CYP4B1: variants seen among roughly 807,000 people sequenced by gnomAD.
CYP4B1 encodes the protein cytochrome P450 4B1.
Under a neutral mutation model 54.0 loss-of-function variants are expected in CYP4B1, and 45 were observed. The ratio of observed to expected loss-of-function variants is 0.83; its 90% confidence interval spans 0.66 to 1.07. The LOEUF is 1.07. Among genes scored for constraint, CYP4B1 ranks in the 50% least tolerant of loss-of-function variants. The pLI is 0.00. For synonymous variants in CYP4B1, 248 were observed against 247.5 expected, an observed-to-expected ratio of 1.00 and a Z score of -0.02; for missense variants, 656 against 655.4, an observed-to-expected ratio of 1.00 and a Z score of -0.01.
Position 46,815,230 on chromosome 1 carries a change from C to G in CYP4B1, c.1039C>G (p.Arg347Gly), listed in dbSNP as rs56180718. 1 of 1,585,250 alleles carries G rather than the reference C, an allele frequency of 6.3e-7. No homozygotes were observed. Reference sequence around the variant, plus strand: ...CCAGCATCGTTGTAGAGAGGAGGTCCGCGAGATCCTAGGGGACCAGGACTT... The same window carrying G: ...CCAGCATCGTTGTAGAGAGGAGGTCGGCGAGATCCTAGGGGACCAGGACTT... ...EHQHRCREEV[R>G]EILGDQDFFQ... Residue 347 changes from arginine to glycine, a missense_variant, in exon 8 of 12, where the codon CGC becomes GGC. Arg to Gly is a moderately radical substitution (Grantham distance 125, BLOSUM62 -2). Coordinates refer to ENST00000371923, the MANE Select transcript of CYP4B1 (RefSeq NM_001099772.2).
At chr1:46,799,499 C>T (rs1241569966) in intron 1 of CYP4B1, among the ~76,000 whole-genome samples, 1 of 152,198 alleles carries the variant, frequency 6.6e-6, no homozygotes, top group Non-Finnish European at 1.5e-5. Flanking sequence ...ATGGCACAGA[C>T]ACCTTCTCCT....
Position 46,810,870 on chromosome 1 carries a change from C to T in CYP4B1, c.243C>T (p.His81=). The change falls in exon 2 of 12, where the codon CAC becomes CAT. Residue 81 remains histidine, a synonymous_variant. Coordinates refer to ENST00000371923, the MANE Select transcript of CYP4B1 (RefSeq NM_001099772.2). ...VSWAHQFPYA[H]PLWFGQFIGF... is the part of the protein sequence containing the mutation. ...GGGCCCACCAGTTCCCGTATGCCCA[C>T]CCACTCTGGTTCGGACAGTTCATTG... The T allele has an allele frequency of 6.2e-7, 1 of 1,614,114 alleles. No homozygotes were observed. Among genetic ancestry groups the T allele is most frequent in the Non-Finnish European group, 8.5e-7 (1 of 1,179,990 alleles).
chr1:46,811,037 C>T (rs1679078567), intron 2 of CYP4B1, 88 bp downstream of exon 2: 7 of 1,599,566 alleles, frequency 4.4e-6, no homozygotes, highest in Non-Finnish European at 6.0e-6. Flanking sequence ...GAAGCCTGGG[C>T]CTGTGTACTA....
Position 46,800,234 on chromosome 1 carries a change from T to TTTCCTTCC in CYP4B1, c.180+976_180+977insCTTCCTTC, listed in dbSNP as rs1553130149. On this transcript the variant is annotated intron_variant, in intron 1 of 11. Transcript: ENST00000371923. ...TTCTTTCTCTTTCTCTCTTTCTTTC[T>TTTCCTTCC]TTCTTTCCTTCCTTCCTTCCTTCCT... is the stretch of plus-strand genomic sequence containing the variant. Among the ~76,000 whole-genome samples, 56 of 43,660 alleles carry TTTCCTTCC rather than the reference T, an allele frequency of 1.3e-3. 2 individuals are homozygous for TTTCCTTCC. The highest frequency in any genetic ancestry group is 3.8e-3 in the African/African-American group (53 of 14,078). 28.6% of individuals were successfully genotyped at this position (43,660 alleles called of 152,430 possible).
At chr1:46,812,695 C>G in intron 4 of CYP4B1, 72 bp downstream of exon 4, 1 of 1,550,978 alleles carries the variant, frequency 6.4e-7, no homozygotes, top group South Asian at 1.2e-5. Flanking sequence ...TGATTTTGTC[C>G]TGGGGAGAGT....
At chr1:46,811,023 G>C in intron 2 of CYP4B1, 74 bp downstream of exon 2, 4 of 1,602,518 alleles carry the variant, frequency 2.5e-6, no homozygotes, top group Non-Finnish European at 3.4e-6. Flanking sequence ...CATGATATGG[G>C]GAGGAAGCCT....
chr1:46,817,113 C>G lies in CYP4B1; in HGVS notation c.1139C>G (p.Pro380Arg), dbSNP rs780956473. The G allele has an allele frequency of 1.5e-5, 25 of 1,614,078 alleles. No individual in the cohort carries two copies. The highest frequency in any genetic ancestry group is 1.9e-5 in the Non-Finnish European group (23 of 1,180,038). Residue 380 changes from proline (P) to arginine (R), a missense_variant, in exon 9 of 12, where the codon CCT becomes CGT. Transcript: ENST00000371923. ...CIKESFRLYP[P>R]VPQVYRQLSK... ...AAGGAGAGCTTCCGCCTCTACCCAC[C>G]TGTGCCCCAGGTGTACCGCCAGCTC...
At chr1:46,808,596 G>A (rs1283322488) in intron 1 of CYP4B1, among the ~76,000 whole-genome samples, 1 of 151,932 alleles carries the variant, frequency 6.6e-6, no homozygotes, top group Non-Finnish European at 1.5e-5. Context: ...TTTGTAGGTT[G>A]CCTGCAGCCC....
Position 46,819,260 on chromosome 1 carries a change from C to G in CYP4B1, c.*446C>G, listed in dbSNP as rs758078015. ...CACTGAGATGTGTTTCTTTGTTGAA[C>G]TTTGTGTGTGTGTGTTTAGAATATA... On this transcript the variant is annotated 3_prime_UTR_variant, in exon 12 of 12. Coordinates refer to ENST00000371923, the MANE Select transcript of CYP4B1 (RefSeq NM_001099772.2). 16 of 159,204 alleles carry G rather than the reference C, an allele frequency of 1.0e-4. No homozygotes were observed. The highest frequency in any genetic ancestry group is 2.2e-4 in the Non-Finnish European group (16 of 72,816). 9.9% of individuals were successfully genotyped at this position (159,204 alleles called of 1,614,324 possible).
chr1:46,810,291 A>G (rs556636073), intron 1 of CYP4B1, among the ~76,000 whole-genome samples: 3 of 152,104 alleles, frequency 2.0e-5, no homozygotes, highest in Non-Finnish European at 2.9e-5. Context: ...TTAATTGTCT[A>G]CTTGTCTATT....
rs45446505 is a variant in CYP4B1, at chr1:46,814,226, C to T, written c.793C>T (p.Arg265Trp). Residue 265 changes from arginine (R) to tryptophan (W), a missense_variant, in exon 7 of 12, where the codon CGG becomes TGG. Arg to Trp is a moderately radical substitution (Grantham distance 101). Coordinates refer to ENST00000371923, the MANE Select transcript of CYP4B1 (RefSeq NM_001099772.2). ...HDHTDQVIRE[R>W]KAALQDEKVR... ...TGGTTCAGACCAGGTCATCAGGGAG[C>T]GGAAGGCAGCCCTGCAGGATGAGAA... 2,885 of 1,614,022 alleles carry T rather than the reference C, an allele frequency of 1.8e-3. 41 individuals are homozygous for T. The African/African-American group carries it at 0.032, about 18-fold the overall frequency.
In CYP4B1 at chr1:46,814,250, A is replaced by T. The variant is rs780606115; in HGVS notation, c.817A>T (p.Lys273Ter). 11 of 1,614,074 alleles carry T rather than the reference A, an allele frequency of 6.8e-6. No homozygotes were observed. The South Asian group carries it at 1.1e-4, about 16-fold the overall frequency. ...RERKAALQDE[K>*]VRKKIQNRRH... Reference sequence around the variant, plus strand: ...GCGGAAGGCAGCCCTGCAGGATGAGAAGGTGCGGAAGAAGATCCAGAACCG... The same window carrying T: ...GCGGAAGGCAGCCCTGCAGGATGAGTAGGTGCGGAAGAAGATCCAGAACCG... The change falls in exon 7 of 12, where the codon AAG becomes TAG. Residue 273 changes from lysine to a stop codon, truncating the protein, a stop_gained. Coordinates refer to ENST00000371923, the MANE Select transcript of CYP4B1 (RefSeq NM_001099772.2). LOFTEE classifies it high-confidence loss of function.
intron 4 of CYP4B1, among the ~76,000 whole-genome samples, chr1:46,813,193 C>T (rs770373657): frequency 2.0e-5 from 3 of 152,206 alleles, no homozygotes; most frequent in Admixed American, 6.5e-5. Flanking sequence ...CACCTCTCAG[C>T]CATCCTACTC....
Position 46,813,524 on chromosome 1 carries a change from ATCT to A in CYP4B1, c.542_544del (p.Phe181del). On this transcript the variant is annotated inframe_deletion, in exon 5 of 12. Coordinates refer to ENST00000371923, the MANE Select transcript of CYP4B1 (RefSeq NM_001099772.2). Reference sequence around the variant, plus strand: ...AGCTCGGGAGGGTAAGTCCTTTGACATCTTCTGCGATGTGGGTCACATGGCGCT... The same window carrying A: ...AGCTCGGGAGGGTAAGTCCTTTGACATCTGCGATGTGGGTCACATGGCGCT... 6.2e-7 allele frequency: 1 copy of A among 1,614,218 alleles called. No homozygotes were observed. The highest frequency in any genetic ancestry group is 8.5e-7 in the Non-Finnish European group (1 of 1,180,028).
chr1:46,807,863 T>C (rs1239778612), intron 1 of CYP4B1, among the ~76,000 whole-genome samples: 1 of 152,214 alleles, frequency 6.6e-6, no homozygotes, highest in Non-Finnish European at 1.5e-5. Context: ...AAAGGATCCC[T>C]GGGGGCTACA....
chr1:46,815,605 G>A (rs911269470), intron 8 of CYP4B1, among the ~76,000 whole-genome samples: 1 of 152,188 alleles, frequency 6.6e-6, no homozygotes, highest in South Asian at 2.1e-4. Flanking sequence ...AGAAAGAGGT[G>A]GAAATGTGGG....
intron 5 of CYP4B1, 94 bp from the exon 6 acceptor site, chr1:46,813,815 T>A (rs1679212133): frequency 3.3e-6 from 5 of 1,507,556 alleles, no homozygotes; most frequent in Admixed American, 1.8e-5. Context: ...AGCAGGATGC[T>A]CTGTGGTTGG....
In CYP4B1 at chr1:46,799,277, G is replaced by A; in HGVS notation, c.180+16G>A. The stretch of plus-strand genomic sequence containing the variant: ...TGCCCTCGAGGTATGTGGAGGTCGG[G>A]AGGGTGGGGGAGAAAGAAAACATCC... On this transcript the variant is annotated intron_variant, in intron 1 of 11. Coordinates refer to ENST00000371923, the MANE Select transcript of CYP4B1 (RefSeq NM_001099772.2). 1 of 1,563,822 alleles carries A rather than the reference G, an allele frequency of 6.4e-7. No homozygotes were observed. Among genetic ancestry groups the A allele is most frequent in the East Asian group, 2.4e-5 (1 of 42,442 alleles).
intron 3 of CYP4B1, 152 bp downstream of exon 3, chr1:46,811,336 G>A (rs1370326650): frequency 5.2e-6 from 4 of 776,278 alleles, no homozygotes; most frequent in African/African-American, 3.4e-5. Flanking sequence ...GAGAGACAAG[G>A]GAGGAGCAGG....
Sources: gnomAD v4.1 joint callset for allele counts (sites outside exome capture counted in the v4.1 genomes callset) on GRCh38, gnomAD v4.1.1 for gene constraint, MANE v1.5 for transcripts, NCBI Gene and HGNC (gene_info 2026-07-23, HGNC 2026-07-21) for gene names.